Variants in PMPCB observed in about 807,000 individuals in gnomAD.
PMPCB encodes the protein peptidase, mitochondrial processing subunit beta.
In PMPCB, 46 loss-of-function variants were observed where a neutral mutation model predicts 61.5. That is an observed-to-expected ratio of 0.75 (90% CI 0.59 to 0.96). The LOEUF is 0.96. PMPCB is among the 40% of genes least tolerant of loss of function. The pLI is 0.00. For synonymous variants in PMPCB, 191 were observed against 201.6 expected (o/e 0.95, Z 0.44); for missense variants, 590 against 602.4 (o/e 0.98, Z 0.22).
In PMPCB at chr7:103,310,316, A is replaced by G. The variant is rs1266194339; in HGVS notation, c.995A>G (p.Asn332Ser). Residue 332 changes from asparagine to serine, a missense_variant and splice_region_variant, in exon 9 of 13, where the codon AAT becomes AGT. Asn to Ser is a conservative substitution (Grantham distance 46). Coordinates refer to ENST00000249269, the MANE Select transcript of PMPCB (RefSeq NM_004279.3). ...CTTGGAATTTTTTTTTCCTTGCAGA[A>G]TTTATCTAGCAAGCTGGCCCAGCTC... Reference protein sequence around the residue: ...NWDRSFGGGMNLSSKLAQLTC... With the variant: ...NWDRSFGGGMSLSSKLAQLTC... 3 of 1,608,514 alleles carry G rather than the reference A, an allele frequency of 1.9e-6. No homozygotes were observed. The highest frequency in any genetic ancestry group is 1.7e-5 in the Admixed American group (1 of 58,420).
intron 12 of PMPCB, among the ~76,000 whole-genome samples, chr7:103,325,425 A>C (rs1445162459): frequency 6.6e-6 from 1 of 150,966 alleles, no homozygotes; most frequent in Non-Finnish European, 1.5e-5. Flanking sequence ...CAAGAGAGCA[A>C]GATACTGTCT....
chr7:103,334,347 A>C (rs1819084927), downstream of PMPCB, among the ~76,000 whole-genome samples: 2 of 151,612 alleles, frequency 1.3e-5, no homozygotes, highest in Admixed American at 1.3e-4. Context: ...GGATCACTTG[A>C]ACTCAGGAGT....
intron 6 of PMPCB, among the ~76,000 whole-genome samples, chr7:103,305,040 A>C (rs1332451142): frequency 6.6e-6 from 1 of 152,230 alleles, no homozygotes; most frequent in Non-Finnish European, 1.5e-5. Context: ...TAGAACGTGC[A>C]AGAAAAGGGC....
At chr7:103,337,817 A>C in the PMPCB span, 2 of 1,610,690 alleles carry the variant, frequency 1.2e-6, no homozygotes, top group South Asian at 2.2e-5. Context: ...TGGTTCTGGA[A>C]AAAAAACACA....
At chr7:103,298,261 A>T (rs1295396266) in intron 1 of PMPCB, among the ~76,000 whole-genome samples, 2 of 151,142 alleles carry the variant, frequency 1.3e-5, no homozygotes, top group Non-Finnish European at 1.5e-5. Context: ...TGTTTTCTCC[A>T]TAATGAATAT....
chr7:103,298,063 A>G (rs1334085831), intron 1 of PMPCB: 3 of 484,562 alleles, frequency 6.2e-6, no homozygotes, highest in African/African-American at 2.2e-5. Context: ...AAAGGCGAAT[A>G]GTTTCTGGCC....
At chr7:103,331,943 A>G (rs1180073690), downstream of PMPCB, among the ~76,000 whole-genome samples, 2 of 151,956 alleles carry the variant, frequency 1.3e-5, no homozygotes, top group East Asian at 3.9e-4. Flanking sequence ...TAATTTGCAC[A>G]GTGGCTATGC....
chr7:103,341,914 A>C, the PMPCB span: 1 of 1,611,054 alleles, frequency 6.2e-7, no homozygotes, highest in Non-Finnish European at 8.5e-7. Context: ...CAAAAGCTTC[A>C]AACCATCTTC....
chr7:103,299,463 T>C lies in PMPCB; in HGVS notation c.261T>C (p.Ala87=). The part of the protein sequence containing the change: ...STCTVGLWID[A]GSRYENEKNN... Reference sequence around the variant, plus strand: ...TTAAGGTTGGACTCTGGATTGATGCTGGAAGTAGATACGAAAATGAGAAGA... The same window carrying C: ...TTAAGGTTGGACTCTGGATTGATGCCGGAAGTAGATACGAAAATGAGAAGA... Residue 87 remains alanine, a synonymous_variant, in exon 3 of 13, where the codon GCT becomes GCC. Transcript: ENST00000249269. 6.2e-7 allele frequency: 1 copy of C among 1,609,042 alleles called. No individual in the cohort carries two copies. The highest frequency in any genetic ancestry group is 2.2e-5 in the East Asian group (1 of 44,814).
chr7:103,324,426 T>A, intron 12 of PMPCB: 1 of 1,383,170 alleles, frequency 7.2e-7, no homozygotes, highest in Non-Finnish European at 9.7e-7. Flanking sequence ...AAGTACTTAT[T>A]GAATACTTTT....
the PMPCB span, among the ~76,000 whole-genome samples, chr7:103,347,005 T>C: frequency 2.0e-5 from 3 of 152,248 alleles, no homozygotes; most frequent in Non-Finnish European, 4.4e-5. Context: ...TTCTTTTGGA[T>C]ACACATCCAG....
At chr7:103,344,487 G>A in the PMPCB span, 21 of 1,562,108 alleles carry the variant, frequency 1.3e-5, no homozygotes, top group Non-Finnish European at 1.7e-5. Flanking sequence ...AGAGAGCCCA[G>A]GGTTGCCGAG....
intron 12 of PMPCB, 27 bp from the exon 13 acceptor site, chr7:103,312,180 T>C (rs745390936): frequency 1.2e-6 from 2 of 1,614,018 alleles, no homozygotes; most frequent in Non-Finnish European, 1.7e-6. Context: ...CAAGTACTTT[T>C]AATTAACTCT....
At position 103,310,385 on chromosome 7, in the gene PMPCB, C is replaced by A; in HGVS notation, c.1064C>A (p.Thr355Asn). 6.2e-7 allele frequency: 1 copy of A among 1,613,176 alleles called. No homozygotes were observed. The highest frequency in any genetic ancestry group is 8.5e-7 in the Non-Finnish European group (1 of 1,179,190). The change falls in exon 9 of 13, where the codon ACT (threonine) becomes AAT (asparagine). Residue 355 changes from threonine to asparagine, a missense_variant. Transcript: ENST00000249269. ...TGCCATAGCTTTCAGTCTTTCAACACTTCCTACACAGATACAGGATTATGG... is the reference window on the plus strand; with the variant it reads ...TGCCATAGCTTTCAGTCTTTCAACAATTCCTACACAGATACAGGATTATGG... ...NLCHSFQSFN[T>N]SYTDTGLWGL...
chr7:103,325,107 A>G (rs1432432912), intron 12 of PMPCB, among the ~76,000 whole-genome samples: 2 of 152,216 alleles, frequency 1.3e-5, no homozygotes, highest in Non-Finnish European at 2.9e-5. Context: ...AAATCATTAC[A>G]CAGAAAAATA....
rs1363201924 is a variant in PMPCB at position 103,313,286 on chromosome 7, C to G, written c.*1015C>G. ...TAATAAGAGAAAAAATTTCAGATAG[C>G]TCACATCCCAGAAAATAAAATCTCA... On this transcript the variant is annotated 3_prime_UTR_variant, in exon 13 of 13. Transcript: ENST00000249269. 5.2e-6 allele frequency: 7 copies of G among 1,333,762 alleles called. No homozygotes were observed. Among genetic ancestry groups the G allele is most frequent in the South Asian group, 4.4e-5 (2 of 45,598 alleles). The allele number at this position is 1,333,762 out of a possible 1,614,324, so 82.6% of individuals were successfully genotyped here.
chr7:103,320,992 G>A (rs956009842), intron 12 of PMPCB: 9 of 153,338 alleles, frequency 5.9e-5, no homozygotes, highest in African/African-American at 2.2e-4. Context: ...GAGGCCAGGA[G>A]TTTGAGACCA....
At chr7:103,345,627 A>AT in the PMPCB span, among the ~76,000 whole-genome samples, 101 of 149,054 alleles carry the variant, frequency 6.8e-4, no homozygotes, top group African/African-American at 1.8e-3. Flanking sequence ...ATATATGTAT[A>AT]TTTTTTTTTG....
intron 6 of PMPCB, among the ~76,000 whole-genome samples, chr7:103,306,382 CTTT>C (rs538586125): frequency 6.1e-5 from 8 of 131,698 alleles, no homozygotes; most frequent in Non-Finnish European, 6.6e-5. Flanking sequence ...TTCCTGAGTT[CTTT>C]TTTTTTTTTT....
Sources: allele counts gnomAD v4.1 joint callset (sites outside exome capture counted in the v4.1 genomes callset), GRCh38; gene constraint gnomAD v4.1.1; transcripts MANE v1.5; gene names NCBI Gene and HGNC (gene_info 2026-07-23, HGNC 2026-07-21).